The following SHISA6 variants were observed in gnomAD, a reference collection of about 807,000 sequenced individuals.
SHISA6 encodes the protein shisa family member 6.
SHISA6 carries 22 observed loss-of-function variants against 47.9 expected under a neutral mutation model. The ratio of observed to expected loss-of-function variants is 0.46; its 90% CI spans 0.33 to 0.66. The LOEUF (loss-of-function observed/expected upper bound fraction) is 0.66, where lower values mean the gene tolerates loss of function less well. Ranked by LOEUF, SHISA6 falls within the 30% of genes least tolerant of loss-of-function variation. SHISA6 has a pLI of 0.02. For missense variants in SHISA6, 680 were observed against 764.6 expected (o/e 0.89, Z 1.30); for synonymous variants, 388 against 337.8 (o/e 1.15, Z -1.63).
intron 3 of SHISA6, among the ~76,000 whole-genome samples, chr17:11,442,831 G>A (rs1915126990): frequency 6.6e-6 from 1 of 152,152 alleles, no homozygotes; most frequent in African/African-American, 2.4e-5. Flanking sequence ...AGTGATGTGG[G>A]ACTGGGCTGG....
chr17:11,359,740 G>A (rs205068), intron 2 of SHISA6, among the ~76,000 whole-genome samples: 1 of 151,966 alleles, frequency 6.6e-6, no homozygotes, highest in Admixed American at 6.5e-5. Context: ...TGTGTCTGCT[G>A]TTTGTTTTGG....
chr17:11,329,845 T>A (rs1018850195), intron 2 of SHISA6, among the ~76,000 whole-genome samples: 6 of 152,234 alleles, frequency 3.9e-5, no homozygotes, highest in African/African-American at 1.4e-4. Context: ...TCATTGTGTG[T>A]AATGTGTTCA....
intron 2 of SHISA6, among the ~76,000 whole-genome samples, chr17:11,270,023 T>A (rs767309900): frequency 5.3e-5 from 8 of 152,220 alleles, no homozygotes; most frequent in Non-Finnish European, 1.2e-4. Context: ...TCATCCAGGC[T>A]GGAGTGCAGT....
chr17:11,397,688 G>A (rs1241395863), intron 3 of SHISA6, among the ~76,000 whole-genome samples: 1 of 137,858 alleles, frequency 7.3e-6, no homozygotes, highest in African/African-American at 2.9e-5. Flanking sequence ...TTTTTTTTTT[G>A]AGACGTCTGA....
intron 3 of SHISA6, among the ~76,000 whole-genome samples, chr17:11,509,198 C>T (rs1317976863): frequency 6.6e-6 from 1 of 152,152 alleles, no homozygotes; most frequent in African/African-American, 2.4e-5. Flanking sequence ...TAGGCCAACC[C>T]TGGGCATGGG....
chr17:11,384,824 T>TAG (rs1322037424), intron 3 of SHISA6, among the ~76,000 whole-genome samples: 3 of 150,260 alleles, frequency 2.0e-5, no homozygotes, highest in Non-Finnish European at 4.5e-5. Context: ...GGGTGGGAGT[T>TAG]AGAGAGAGAG....
intron 2 of SHISA6, among the ~76,000 whole-genome samples, chr17:11,361,437 TG>T (rs1290706051): frequency 6.6e-6 from 1 of 152,212 alleles, no homozygotes; most frequent in Admixed American, 6.5e-5. Context: ...TTGTCACCAA[TG>T]GAAATATAAA....
At chr17:11,503,337 A>G (rs2071471003) in intron 3 of SHISA6, among the ~76,000 whole-genome samples, 1 of 152,062 alleles carries the variant, frequency 6.6e-6, no homozygotes, top group African/African-American at 2.4e-5. Flanking sequence ...TAAACGAAGC[A>G]AAAACAGGCT....
Position 11,241,360 on chromosome 17 carries a change from C to CCGGCCCGCCGGGGGAG in SHISA6, c.-57_-42dup. On this transcript the variant is annotated 5_prime_UTR_variant, in exon 1 of 6. Transcript: ENST00000441885. This position sits in a 1 kb window ranked among gnomAD's most constrained non-coding sequence, Gnocchi z 5.5. ...GGCCCGCGCGGCGGGTCCTCCGAGC[C>CCGGCCCGCCGGGGGAG]CGGCCCGCCGGGGGAGCGGCCTGCC... 1.0e-6 allele frequency: 1 copy of CCGGCCCGCCGGGGGAG among 994,698 alleles called. No individual in the cohort carries two copies. Among genetic ancestry groups the CCGGCCCGCCGGGGGAG allele is most frequent in the Non-Finnish European group, 1.2e-6 (1 of 833,876 alleles). 61.6% of individuals were successfully genotyped at this position (994,698 alleles called of 1,614,324 possible).
Position 11,483,081 on chromosome 17 carries a change from C to T in SHISA6, c.896-68815C>T, listed in dbSNP as rs576016082. ...CTTTGGGAGGCCGAGGCAGACAGAT[C>T]ATCTGAGGTCAGGAGTTCGAGACCA... On this transcript the variant is annotated intron_variant, in intron 3 of 5. Coordinates refer to ENST00000441885, the MANE Select transcript of SHISA6 (RefSeq NM_207386.4). 5.9e-5 allele frequency among the ~76,000 whole-genome samples: 9 copies of T among 152,028 alleles called. No homozygotes were observed. The East Asian group carries it at 1.6e-3, about 26-fold the overall frequency.
At chr17:11,518,852 C>T (rs191797741) in intron 3 of SHISA6, among the ~76,000 whole-genome samples, 1 of 152,266 alleles carries the variant, frequency 6.6e-6, no homozygotes, top group Admixed American at 6.5e-5. Flanking sequence ...TCCTCTAATC[C>T]TCCTACTCTC....
intron 2 of SHISA6, among the ~76,000 whole-genome samples, chr17:11,353,493 C>A (rs1911972216): frequency 6.6e-6 from 1 of 151,358 alleles, no homozygotes; most frequent in Admixed American, 6.6e-5. Context: ...GGGTCCTCAA[C>A]CAGTGTAACA....
rs909247684 is a variant in SHISA6, at chr17:11,557,882, C to G, written c.1234C>G (p.Arg412Gly). ...QKPLPRERPRRPIRAMSQDRV... is the reference protein window; with the variant it reads ...QKPLPRERPRGPIRAMSQDRV... ...GCCGTTGCCAAGGGAACGACCCCGCCGGCCCATCCGGGCCATGTCCCAGGA... is the reference window on the plus strand; with the variant it reads ...GCCGTTGCCAAGGGAACGACCCCGCGGGCCCATCCGGGCCATGTCCCAGGA... Residue 412 changes from arginine (R) to glycine (G), a missense_variant, in exon 6 of 6, where the codon CGG becomes GGG. Arg to Gly is a moderately radical substitution (Grantham distance 125). Transcript: ENST00000441885. 1 of 1,551,558 alleles carries G rather than the reference C, an allele frequency of 6.4e-7. No homozygotes were observed. The highest frequency in any genetic ancestry group is 2.4e-5 in the East Asian group (1 of 40,906).
chr17:11,348,506 T>G (rs1250911019), intron 2 of SHISA6, among the ~76,000 whole-genome samples: 1 of 152,184 alleles, frequency 6.6e-6, no homozygotes, highest in Non-Finnish European at 1.5e-5. Flanking sequence ...TTAGTAATTA[T>G]TTGATAGTTA....
chr17:11,442,346 T>G (rs569281172), intron 3 of SHISA6, among the ~76,000 whole-genome samples: 3 of 152,220 alleles, frequency 2.0e-5, no homozygotes, highest in Admixed American at 2.0e-4. Flanking sequence ...GTTTCTGGCC[T>G]TTCCCTCTCC....
At chr17:11,512,366 TACTGTTAATTAATCTGTTCA>T (rs1336723379) in intron 3 of SHISA6, among the ~76,000 whole-genome samples, 1 of 152,190 alleles carries the variant, frequency 6.6e-6, no homozygotes, top group African/African-American at 2.4e-5. Flanking sequence ...ACCACCTAGT[TACTGTTAATTAATCTGTTCA>T]ACTCACACAC....
At chr17:11,453,388 G>A (rs1567609867) in intron 3 of SHISA6, among the ~76,000 whole-genome samples, 1 of 152,144 alleles carries the variant, frequency 6.6e-6, no homozygotes, top group East Asian at 1.9e-4. Flanking sequence ...CTCACTCAAG[G>A]AGTTTATCGT....
chr17:11,505,918 G>A (rs368971574), intron 3 of SHISA6, among the ~76,000 whole-genome samples: 21 of 152,274 alleles, frequency 1.4e-4, no homozygotes, highest in African/African-American at 2.6e-4. Context: ...TCCACGATGC[G>A]TATTGGAATA....
chr17:11,537,133 C>A (rs1462420295), intron 3 of SHISA6, among the ~76,000 whole-genome samples: 2 of 149,670 alleles, frequency 1.3e-5, no homozygotes, highest in Non-Finnish European at 3.0e-5. Flanking sequence ...AACATCCTTG[C>A]CAGAAGTAGG....
Sources: allele counts gnomAD v4.1 joint callset (sites outside exome capture counted in the v4.1 genomes callset), GRCh38; gene constraint gnomAD v4.1.1; non-coding constraint Gnocchi (gnomAD v3.1); transcripts MANE v1.5; gene names NCBI Gene and HGNC (gene_info 2026-07-23, HGNC 2026-07-21).